CCL4: variants seen among roughly 807,000 people sequenced by gnomAD.
The protein encoded by CCL4 is C-C motif chemokine 4.
In CCL4, 8 loss-of-function variants were observed where a neutral mutation model predicts 10.3. The ratio of observed to expected loss-of-function variants is 0.77; its 90% CI spans 0.45 to 1.39. The LOEUF (loss-of-function observed/expected upper bound fraction) is 1.39, where lower values mean the gene tolerates loss of function less well. Ranked by LOEUF, CCL4 falls within the 40% of genes most tolerant of loss-of-function variation. The pLI, the probability that CCL4 is intolerant of heterozygous loss-of-function variation, is 0.00. For synonymous variants in CCL4, 35 were observed against 44.3 expected (o/e 0.79, Z 0.83); for missense variants, 106 against 111.2 (o/e 0.95, Z 0.21).
In CCL4 at chr17:36,103,905, C is replaced by G; in HGVS notation, c.-1C>G. On this transcript the variant is annotated 5_prime_UTR_variant, in exon 1 of 3. Coordinates refer to ENST00000615863, the MANE Select transcript of CCL4 (RefSeq NM_002984.4). ...GAGAAAACCTCTTTTCCACCAATACCATGAAGCTCTGCGTGACTGTCCTGT... is the reference window on the plus strand; with the variant it reads ...GAGAAAACCTCTTTTCCACCAATACGATGAAGCTCTGCGTGACTGTCCTGT... 2 of 1,613,976 alleles carry G rather than the reference C, an allele frequency of 1.2e-6. No individual in the cohort carries two copies. Among genetic ancestry groups the G allele is most frequent in the African/African-American group, 1.3e-5 (1 of 75,040 alleles).
chr17:36,104,393 T>C, intron 1 of CCL4, 135 bp from the exon 2 acceptor site: 1 of 1,023,706 alleles, frequency 9.8e-7, no homozygotes, highest in South Asian at 1.4e-5. Flanking sequence ...ATAAGACTCC[T>C]GCTCATGTTA....
In CCL4 at chr17:36,104,579, T is replaced by A. The variant is rs773355755; in HGVS notation, c.128T>A (p.Leu43His). Reference sequence around the variant, plus strand: ...TGCTTTTCTTACACCGCGAGGAAGCTTCCTCGCAACTTTGTGGTAGATTAC... The same window carrying A: ...TGCTTTTCTTACACCGCGAGGAAGCATCCTCGCAACTTTGTGGTAGATTAC... ...ACCFSYTARK[L>H]PRNFVVDYYE... The change falls in exon 2 of 3, where the codon CTT becomes CAT. Residue 43 changes from leucine to histidine, a missense_variant. Transcript: ENST00000615863. 6.8e-6 allele frequency: 11 copies of A among 1,613,228 alleles called. No homozygotes were observed. In the South Asian group the frequency reaches 9.9e-5, roughly 14 times the overall value.
chr17:36,104,124 G>A, intron 1 of CCL4, 143 bp downstream of exon 1: 1 of 959,096 alleles, frequency 1.0e-6, no homozygotes, highest in Non-Finnish European at 1.7e-6. Context: ...GCTAAATGTA[G>A]AGTCTAGTAG....
Position 36,105,396 on chromosome 17 carries a change from A to G in CCL4, c.*84A>G. On this transcript the variant is annotated 3_prime_UTR_variant, in exon 3 of 3. Transcript: ENST00000615863. ...GAGACACATCTCCTCCATACTCAGG[A>G]CTCCTCTCCGCAGTTCCTGTCCCTT... 7.4e-7 allele frequency: 1 copy of G among 1,346,698 alleles called. No homozygotes were observed. The highest frequency in any genetic ancestry group is 1.1e-6 in the Non-Finnish European group (1 of 937,278). The allele number at this position is 1,346,698 out of a possible 1,614,324, so 83.4% of individuals were successfully genotyped here.
chr17:36,104,881 G>A, intron 2 of CCL4: 1 of 685,836 alleles, frequency 1.5e-6, no homozygotes, highest in Non-Finnish European at 2.6e-6. Flanking sequence ...GGACAGGGAA[G>A]CAGGGGAAGG....
At position 36,105,519 on chromosome 17, in the gene CCL4, G is replaced by C. The variant is rs1247067883; in HGVS notation, c.*207G>C. 1 of 629,170 alleles carries C rather than the reference G, an allele frequency of 1.6e-6. No individual in the cohort carries two copies. Among genetic ancestry groups the C allele is most frequent in the African/African-American group, 1.8e-5 (1 of 54,198 alleles). 39.0% of individuals were successfully genotyped at this position (629,170 alleles called of 1,614,324 possible). On this transcript the variant is annotated 3_prime_UTR_variant, in exon 3 of 3. Coordinates refer to ENST00000615863, the MANE Select transcript of CCL4 (RefSeq NM_002984.4). ...CCAAAGGATAAGTGTCCCCTATGGG[G>C]ATGGTCCACTGTCACTGTTTCTCTG...
intron 1 of CCL4, 73 bp from the exon 2 acceptor site, chr17:36,104,455 A>C: frequency 4.4e-6 from 6 of 1,355,780 alleles, no homozygotes; most frequent in Non-Finnish European, 5.2e-6. Flanking sequence ...TGCTCAATGA[A>C]GATACAAAAT....
At chr17:36,104,333 C>T in intron 1 of CCL4, 195 bp from the exon 2 acceptor site, 2 of 727,710 alleles carry the variant, frequency 2.7e-6, no homozygotes, top group East Asian at 2.7e-5. Context: ...AATCCAGTTC[C>T]AATCTTCTAG....
chr17:36,105,523 G>T lies in CCL4; in HGVS notation c.*211G>T. 1.6e-6 allele frequency: 1 copy of T among 620,500 alleles called. No individual in the cohort carries two copies. Among genetic ancestry groups the T allele is most frequent in the Non-Finnish European group, 2.9e-6 (1 of 344,220 alleles). 38.4% of individuals were successfully genotyped at this position (620,500 alleles called of 1,614,324 possible). On this transcript the variant is annotated 3_prime_UTR_variant, in exon 3 of 3. Coordinates refer to ENST00000615863, the MANE Select transcript of CCL4 (RefSeq NM_002984.4). ...AGGATAAGTGTCCCCTATGGGGATG[G>T]TCCACTGTCACTGTTTCTCTGCTGT...
In CCL4 at chr17:36,105,272, C is replaced by T. The variant is rs1445795208; in HGVS notation, c.239C>T (p.Ser80Phe). 8 of 1,613,772 alleles carry T rather than the reference C, an allele frequency of 5.0e-6. No homozygotes were observed. Among genetic ancestry groups the T allele is most frequent in the Non-Finnish European group, 6.8e-6 (8 of 1,179,812 alleles). The change falls in exon 3 of 3, where the codon TCC becomes TTC. Residue 80 changes from serine to phenylalanine, a missense_variant. By Grantham distance (155) the Ser-to-Phe change is radical (BLOSUM62 -2). Transcript: ENST00000615863. ...SKQVCADPSE[S>F]WVQEYVYDLE... ...CAAGTCTGTGCTGATCCCAGTGAAT[C>T]CTGGGTCCAGGAGTACGTGTATGAC...
chr17:36,104,734 T>G, intron 2 of CCL4, 92 bp downstream of exon 2: 1 of 1,496,882 alleles, frequency 6.7e-7, no homozygotes, highest in Non-Finnish European at 9.2e-7. Flanking sequence ...GATTGAGCAT[T>G]GGGGAGGCAG....
At position 36,104,540 on chromosome 17, in the gene CCL4, C is replaced by G. The variant is rs916670012; in HGVS notation, c.89C>G (p.Pro30Arg). ...PALSAPMGSDPPTACCFSYTA... is the reference protein window; with the variant it reads ...PALSAPMGSDRPTACCFSYTA... ...CCTTTCCTTTCAGTGGGCTCAGACC[C>G]TCCCACCGCCTGCTGCTTTTCTTAC... Residue 30 changes from proline to arginine, a missense_variant, in exon 2 of 3, where the codon CCT (proline) becomes CGT (arginine). Coordinates refer to ENST00000615863, the MANE Select transcript of CCL4 (RefSeq NM_002984.4). 4.3e-6 allele frequency: 7 copies of G among 1,611,932 alleles called. No individual in the cohort carries two copies. Among genetic ancestry groups the G allele is most frequent in the Non-Finnish European group, 5.9e-6 (7 of 1,179,812 alleles).
intron 2 of CCL4, 102 bp from the exon 3 acceptor site, chr17:36,105,123 C>T (rs2067150440): frequency 8.1e-7 from 1 of 1,232,914 alleles, no homozygotes; most frequent in Non-Finnish European, 1.2e-6. Flanking sequence ...ACCAGAGCTG[C>T]CCCACATGGA....
intron 2 of CCL4, 89 bp downstream of exon 2, chr17:36,104,731 C>A (rs990827396): frequency 2.5e-5 from 38 of 1,540,826 alleles, no homozygotes; most frequent in Non-Finnish European, 3.0e-5. Context: ...GGTGATTGAG[C>A]ATTGGGGAGG....
intron 2 of CCL4, 76 bp downstream of exon 2, chr17:36,104,718 G>A: frequency 6.3e-7 from 1 of 1,585,772 alleles, no homozygotes; most frequent in Admixed American, 1.7e-5. Flanking sequence ...GTTTTGGGGA[G>A]GGGGTGATTG....
In CCL4 at chr17:36,105,225, A is replaced by G. The variant is rs202017534; in HGVS notation, c.192A>G (p.Val64=). 4 of 1,613,592 alleles carry G rather than the reference A, an allele frequency of 2.5e-6. No individual in the cohort carries two copies. In the East Asian group the frequency reaches 8.9e-5, roughly 36 times the overall value. ...TSSLCSQPAV[V]FQTKRSKQVC... ...AATCTGTCCGCTCCTTGTTCTACAG[A>G]TTCCAAACCAAAAGAAGCAAGCAAG... Residue 64 remains valine (V), a splice_region_variant and synonymous_variant, in exon 3 of 3, where the codon GTA becomes GTG. Coordinates refer to ENST00000615863, the MANE Select transcript of CCL4 (RefSeq NM_002984.4).
In CCL4 at chr17:36,104,621, T is replaced by C. The variant is rs1286008977; in HGVS notation, c.170T>C (p.Leu57Pro). The C allele has an allele frequency of 1.9e-6, 3 of 1,613,780 alleles. No individual in the cohort carries two copies. Among genetic ancestry groups the C allele is most frequent in the African/African-American group, 2.7e-5 (2 of 75,014 alleles). ...GTAGATTACTATGAGACCAGCAGCCTCTGCTCCCAGCCAGCTGTGGTGTGA... is the reference window on the plus strand; with the variant it reads ...GTAGATTACTATGAGACCAGCAGCCCCTGCTCCCAGCCAGCTGTGGTGTGA... ...FVVDYYETSSLCSQPAVVFQT... is the reference protein window; with the variant it reads ...FVVDYYETSSPCSQPAVVFQT... The change falls in exon 2 of 3, where the codon CTC becomes CCC. Residue 57 changes from leucine to proline, a missense_variant. Coordinates refer to ENST00000615863, the MANE Select transcript of CCL4 (RefSeq NM_002984.4).
Position 36,104,609 on chromosome 17 carries a change from A to T in CCL4, c.158A>T (p.Glu53Val), listed in dbSNP as rs2067145061. 1 of 1,613,618 alleles carries T rather than the reference A, an allele frequency of 6.2e-7. No homozygotes were observed. Among genetic ancestry groups the T allele is most frequent in the African/African-American group, 1.3e-5 (1 of 74,892 alleles). Residue 53 changes from glutamate (E) to valine (V), a missense_variant, in exon 2 of 3, where the codon GAG (glutamate) becomes GTG (valine). Coordinates refer to ENST00000615863, the MANE Select transcript of CCL4 (RefSeq NM_002984.4). Reference protein sequence around the residue: ...LPRNFVVDYYETSSLCSQPAV... With the variant: ...LPRNFVVDYYVTSSLCSQPAV... ...CGCAACTTTGTGGTAGATTACTATG[A>T]GACCAGCAGCCTCTGCTCCCAGCCA...
At chr17:36,104,719 G>T in intron 2 of CCL4, 77 bp downstream of exon 2, 1 of 1,587,224 alleles carries the variant, frequency 6.3e-7, no homozygotes, top group Admixed American at 1.7e-5. Context: ...TTTTGGGGAG[G>T]GGGTGATTGA....
Sources: gnomAD v4.1 joint callset for allele counts on GRCh38, gnomAD v4.1.1 for gene constraint, MANE v1.5 for transcripts, NCBI Gene and HGNC (gene_info 2026-07-23, HGNC 2026-07-21) for gene names.